Variants in APBB2 observed in about 807,000 individuals in gnomAD.
The protein encoded by APBB2 is Fe65-like 1.
A neutral mutation model predicts 82.5 loss-of-function variants in APBB2; 38 were observed. The observed-to-expected ratio is 0.46, with a 90% CI of 0.36 to 0.60. APBB2 has a LOEUF of 0.60. APBB2 is among the 20% of genes least tolerant of loss of function. APBB2 has a pLI of 0.00. For missense variants in APBB2, 772 were observed against 972.3 expected, an observed-to-expected ratio of 0.79 and a Z score of 2.74; for synonymous variants, 341 against 368.2, an observed-to-expected ratio of 0.93 and a Z score of 0.85.
At chr4:40,928,572 C>CT (rs1334784189) in intron 10 of APBB2, among the ~76,000 whole-genome samples, 1 of 137,360 alleles carries the variant, frequency 7.3e-6, no homozygotes, top group Non-Finnish European at 1.6e-5. Context: ...GAGCGACACT[C>CT]TGTCTCAAAT....
chr4:40,839,094 T>A (rs181115365), intron 12 of APBB2, among the ~76,000 whole-genome samples: 1 of 152,104 alleles, frequency 6.6e-6, no homozygotes, highest in African/African-American at 2.4e-5. Flanking sequence ...CTTTATTATT[T>A]TGAGACAGGG....
intron 6 of APBB2, among the ~76,000 whole-genome samples, chr4:40,955,921 G>A (rs1476344616): frequency 2.0e-5 from 3 of 151,956 alleles, no homozygotes; most frequent in Non-Finnish European, 2.9e-5. Flanking sequence ...GATTACAGGC[G>A]TGTGCCACCA....
At chr4:40,945,557 T>C in intron 6 of APBB2, among the ~76,000 whole-genome samples, 1 of 152,346 alleles carries the variant, frequency 6.6e-6, no homozygotes, top group East Asian at 1.9e-4. Flanking sequence ...TAAGAATCTC[T>C]CTCATTTGAT....
In APBB2 at chr4:40,979,753, T is replaced by C. The variant is rs537005734; in HGVS notation, c.835+33830A>G. ...ACCTCATCACACAACCCCAAGGAAA[T>C]GAATTCTGCCGACAAGTGTGCTTGG... On this transcript the variant is annotated intron_variant, in intron 6 of 17. Transcript: ENST00000508593. Among the ~76,000 whole-genome samples, 8 of 152,228 alleles carry C rather than the reference T, an allele frequency of 5.3e-5. 1 individual carries two copies. The South Asian group carries it at 1.7e-3, about 32-fold the overall frequency.
chr4:40,850,580 T>C (rs960794810), intron 12 of APBB2, among the ~76,000 whole-genome samples: 9 of 152,198 alleles, frequency 5.9e-5, no homozygotes, highest in African/African-American at 2.2e-4. Flanking sequence ...TCTCAGACTG[T>C]TTTGTGAATG....
rs1259661928 is a variant in APBB2, at chr4:40,930,441, G to GTC, written c.1254+4014_1254+4015insGA. Among the ~76,000 whole-genome samples the GTC allele has an allele frequency of 4.3e-3, 170 of 39,486 alleles. 1 individual carries two copies. Among genetic ancestry groups the GTC allele is most frequent in the African/African-American group, 0.012 (160 of 13,396 alleles). The allele number at this position is 39,486 out of a possible 152,430, so 25.9% of individuals were successfully genotyped here. A position where few individuals can be genotyped will look rare whatever the true frequency, so the allele number is the denominator to read the frequency against. ...GGGAAGTGTGTGTGTGTGTGTGTGT[G>GTC]TGTGTGTGCGCGCGCGCGCGCGCGC... On this transcript the variant is annotated intron_variant, in intron 10 of 17. Coordinates refer to ENST00000508593, the MANE Select transcript of APBB2 (RefSeq NM_004307.2).
chr4:41,081,597 A>G (rs1269821837), intron 3 of APBB2, among the ~76,000 whole-genome samples: 1 of 152,202 alleles, frequency 6.6e-6, no homozygotes, highest in Non-Finnish European at 1.5e-5. Context: ...TTAGTTATAT[A>G]AAATTTTTTT....
At chr4:41,087,289 A>C (rs1740113436) in intron 3 of APBB2, among the ~76,000 whole-genome samples, 1 of 152,242 alleles carries the variant, frequency 6.6e-6, no homozygotes, top group Non-Finnish European at 1.5e-5. Context: ...TTTCTGTAGA[A>C]ACGGAAAAAT....
intron 12 of APBB2, among the ~76,000 whole-genome samples, chr4:40,864,875 T>A (rs1763680678): frequency 1.0e-5 from 1 of 99,522 alleles, no homozygotes. Context: ...TTTTTTTTTT[T>A]AGAGACAGGG....
chr4:41,205,950 C>T (rs1259677464), intron 1 of APBB2, among the ~76,000 whole-genome samples: 2 of 152,168 alleles, frequency 1.3e-5, no homozygotes, highest in Non-Finnish European at 2.9e-5. Context: ...TAAACCCCTG[C>T]TGCCTCCTTC....
At chr4:40,970,603 G>A (rs746533805) in intron 6 of APBB2, among the ~76,000 whole-genome samples, 6 of 151,988 alleles carry the variant, frequency 3.9e-5, no homozygotes, top group East Asian at 1.9e-4. Flanking sequence ...CTGACACCAC[G>A]GGCTAGACTC....
intron 6 of APBB2, among the ~76,000 whole-genome samples, chr4:40,992,365 G>GC (rs1553899651): frequency 6.9e-6 from 1 of 145,118 alleles, no homozygotes; most frequent in Non-Finnish European, 1.5e-5. Flanking sequence ...TAGAGATGGG[G>GC]GGGGGTCTTT....
At chr4:41,152,715 T>C (rs1243942512) in intron 1 of APBB2, among the ~76,000 whole-genome samples, 1 of 152,188 alleles carries the variant, frequency 6.6e-6, no homozygotes, top group Non-Finnish European at 1.5e-5. Flanking sequence ...ATTTGATTGA[T>C]GTTAGTCAGG....
intron 1 of APBB2, among the ~76,000 whole-genome samples, chr4:41,159,119 T>A (rs554104426): frequency 6.6e-6 from 1 of 152,336 alleles, no homozygotes; most frequent in East Asian, 1.9e-4. Context: ...CACTCCCACC[T>A]TGCCACCTCC....
rs1184355314 is a variant in APBB2 at position 40,832,235 on chromosome 4, C to A, written c.1530-1658G>T. On this transcript the variant is annotated intron_variant, in intron 12 of 17. Coordinates refer to ENST00000508593, the MANE Select transcript of APBB2 (RefSeq NM_004307.2). This position sits in a 1 kb window ranked among gnomAD's most constrained non-coding sequence, Gnocchi z 4.8. ...ACTTTCCCCAAGAAAGCCTTGGCGG[C>A]CTTGGGAAGGGACAGGGATTTACTA... is the stretch of plus-strand genomic sequence containing the variant. 6.6e-6 allele frequency among the ~76,000 whole-genome samples: 1 copy of A among 152,146 alleles called. No individual in the cohort carries two copies. Among genetic ancestry groups the A allele is most frequent in the Non-Finnish European group, 1.5e-5 (1 of 68,018 alleles).
chr4:40,858,099 A>T (rs961283132), intron 12 of APBB2, among the ~76,000 whole-genome samples: 5 of 152,052 alleles, frequency 3.3e-5, no homozygotes, highest in Non-Finnish European at 7.4e-5. Flanking sequence ...CAACATTGTC[A>T]TCTCTAGCTG....
chr4:41,207,844 A>G (rs4590083), intron 1 of APBB2: 62,534 of 151,934 alleles, frequency 0.41, 13,260 homozygotes, highest in African/African-American at 0.49. Context: ...TACCAATTTC[A>G]TGGACCATTC....
intron 2 of APBB2, among the ~76,000 whole-genome samples, chr4:41,117,354 G>A (rs1418423738): frequency 6.7e-5 from 10 of 149,272 alleles, no homozygotes; most frequent in Admixed American, 1.3e-4. Context: ...GTGCAGTGGC[G>A]CAATCTCAGC....
At position 40,988,088 on chromosome 4, in the gene APBB2, T is replaced by C. The variant is rs118058219; in HGVS notation, c.835+25495A>G. Among the ~76,000 whole-genome samples the C allele has an allele frequency of 3.8e-4, 58 of 152,342 alleles. 1 individual carries two copies. In the East Asian group the frequency reaches 9.3e-3, roughly 24 times the overall value. ...ATAATGGAAATGATCAGACTGTTCA[T>C]ATGGTGAGAAACAAATGGTCACCAT... On this transcript the variant is annotated intron_variant, in intron 6 of 17. Transcript: ENST00000508593.
Sources: gnomAD v4.1 joint callset for allele counts (sites outside exome capture counted in the v4.1 genomes callset) on GRCh38, gnomAD v4.1.1 for gene constraint, Gnocchi (gnomAD v3.1) non-coding constraint, MANE v1.5 for transcripts, NCBI Gene and HGNC (gene_info 2026-07-23, HGNC 2026-07-21) for gene names.